The following HDAC4 variants were observed in gnomAD, a reference collection of about 807,000 sequenced individuals.
HDAC4 encodes the protein histone deacetylase A.
In HDAC4, 16 loss-of-function variants were observed where a neutral mutation model predicts 135.1. The ratio of observed to expected loss-of-function variants is 0.12; its 90% CI spans 0.08 to 0.18. The LOEUF (loss-of-function observed/expected upper bound fraction) is 0.18, where lower values mean the gene tolerates loss of function less well. HDAC4 is among the 10% of genes least tolerant of loss of function. HDAC4 has a pLI of 1.00. For missense variants in HDAC4, 1,143 were observed against 1,511.8 expected, an observed-to-expected ratio of 0.76 and a Z score of 4.05; for synonymous variants, 685 against 653.4, an observed-to-expected ratio of 1.05 and a Z score of -0.74.
chr2:239,082,718 G>A (rs932908550), intron 20 of HDAC4, among the ~76,000 whole-genome samples: 6 of 152,254 alleles, frequency 3.9e-5, no homozygotes, highest in African/African-American at 1.4e-4. Flanking sequence ...AGTCCCAGGT[G>A]TCCGTGAGTG....
At chr2:239,151,352 C>T (rs1236745113) in intron 7 of HDAC4, among the ~76,000 whole-genome samples, 3 of 152,180 alleles carry the variant, frequency 2.0e-5, no homozygotes, top group East Asian at 1.9e-4. Flanking sequence ...GATATGGTGT[C>T]GTGGGCGCCA....
intron 2 of HDAC4, among the ~76,000 whole-genome samples, chr2:239,256,026 G>C (rs774519212): frequency 6.6e-6 from 1 of 152,212 alleles, no homozygotes; most frequent in Non-Finnish European, 1.5e-5. Context: ...AAAGGTTCTC[G>C]ATTAATGCAA....
At chr2:239,255,588 C>G (rs1372666163) in intron 2 of HDAC4, among the ~76,000 whole-genome samples, 1 of 152,214 alleles carries the variant, frequency 6.6e-6, no homozygotes, top group Non-Finnish European at 1.5e-5. Context: ...ATTGTACGCA[C>G]AGGCACCAAA....
At chr2:239,114,671 C>T (rs1488050671) in intron 13 of HDAC4, among the ~76,000 whole-genome samples, 1 of 152,200 alleles carries the variant, frequency 6.6e-6, no homozygotes, top group Non-Finnish European at 1.5e-5. Context: ...TGATCAGGCC[C>T]TGCCTGCCTT....
intron 2 of HDAC4, among the ~76,000 whole-genome samples, chr2:239,259,964 G>A (rs1407531675): frequency 6.6e-6 from 1 of 152,182 alleles, no homozygotes; most frequent in African/African-American, 2.4e-5. Flanking sequence ...AGGATCTAAG[G>A]GTGAAGCTCC....
At chr2:239,142,568 C>T (rs891452877) in intron 8 of HDAC4, among the ~76,000 whole-genome samples, 14 of 152,266 alleles carry the variant, frequency 9.2e-5, no homozygotes, top group Admixed American at 2.6e-4. Context: ...CTAGGTGCCT[C>T]GGCACGGGCT....
intron 7 of HDAC4, among the ~76,000 whole-genome samples, chr2:239,155,297 A>G (rs1052017163): frequency 2.6e-5 from 4 of 151,214 alleles, no homozygotes; most frequent in Non-Finnish European, 5.9e-5. Flanking sequence ...GGCCAGACTG[A>G]TATGACCCAG....
chr2:239,063,204 T>G (rs2033016029), intron 24 of HDAC4, among the ~76,000 whole-genome samples: 1 of 151,764 alleles, frequency 6.6e-6, no homozygotes, highest in Admixed American at 6.5e-5. Flanking sequence ...TGCAGTCTTT[T>G]TTTGTTTTTT....
intron 2 of HDAC4, among the ~76,000 whole-genome samples, chr2:239,318,757 T>C (rs2053204809): frequency 1.3e-5 from 2 of 151,584 alleles, no homozygotes; most frequent in South Asian, 4.2e-4. Context: ...TTTCTGTAAG[T>C]TTGAAATTAC....
intron 3 of HDAC4, among the ~76,000 whole-genome samples, chr2:239,215,614 C>T (rs777598912): frequency 2.0e-5 from 3 of 152,148 alleles, no homozygotes; most frequent in Non-Finnish European, 4.4e-5. Context: ...ACATGAATGG[C>T]GGCAACACTA....
intron 21 of HDAC4, 92 bp downstream of exon 21, chr2:239,082,010 G>A: frequency 3.5e-6 from 5 of 1,413,652 alleles, no homozygotes; most frequent in Non-Finnish European, 5.0e-6. Flanking sequence ...ACTCACTGCT[G>A]CCGGGCAGCT....
chr2:239,187,870 G>A (rs2044659371), intron 4 of HDAC4, among the ~76,000 whole-genome samples: 1 of 152,202 alleles, frequency 6.6e-6, no homozygotes, highest in Non-Finnish European at 1.5e-5. Flanking sequence ...CGGCTGCTAG[G>A]TCGCTCTGAA....
intron 2 of HDAC4, among the ~76,000 whole-genome samples, chr2:239,263,869 A>C (rs1171784719): frequency 6.6e-6 from 1 of 152,118 alleles, no homozygotes; most frequent in East Asian, 1.9e-4. Context: ...CTGGCTGCCC[A>C]GTGACGCCAC....
chr2:239,094,831 G>T, intron 17 of HDAC4, 179 bp downstream of exon 17: 1 of 1,499,746 alleles, frequency 6.7e-7, no homozygotes. Flanking sequence ...AGGTGCCCGA[G>T]TCGGCGATCA....
intron 18 of HDAC4, among the ~76,000 whole-genome samples, chr2:239,088,728 G>A (rs1285988487): frequency 6.6e-6 from 1 of 152,144 alleles, no homozygotes; most frequent in African/African-American, 2.4e-5. Flanking sequence ...TTAACATCCC[G>A]AGTAAAGAGA....
intron 1 of HDAC4, among the ~76,000 whole-genome samples, chr2:239,394,886 C>A (rs980439134): frequency 6.6e-6 from 1 of 152,230 alleles, no homozygotes; most frequent in Non-Finnish European, 1.5e-5. Flanking sequence ...GCCCTCAGGG[C>A]CCCTCAATCC....
At chr2:239,392,652 C>T (rs569238418) in intron 1 of HDAC4, among the ~76,000 whole-genome samples, 87 of 152,324 alleles carry the variant, frequency 5.7e-4, no homozygotes, top group Middle Eastern at 3.4e-3. Flanking sequence ...GGGTCAGCCT[C>T]CTTAGAACAC....
chr2:239,278,801 T>C (rs771323648), intron 2 of HDAC4, among the ~76,000 whole-genome samples: 3 of 152,202 alleles, frequency 2.0e-5, no homozygotes, highest in Non-Finnish European at 4.4e-5. Flanking sequence ...TGCCCATCAG[T>C]GTGGCTCTCT....
intron 6 of HDAC4, among the ~76,000 whole-genome samples, chr2:239,161,414 G>A (rs1213793195): frequency 1.6e-4 from 25 of 152,152 alleles, no homozygotes; most frequent in Non-Finnish European, 1.5e-5. Context: ...CTTCCAGTTT[G>A]ATCAGTTTTG....
Sources: gnomAD v4.1 joint callset for allele counts (sites outside exome capture counted in the v4.1 genomes callset) on GRCh38, gnomAD v4.1.1 for gene constraint, MANE v1.5 for transcripts, NCBI Gene and HGNC (gene_info 2026-07-23, HGNC 2026-07-21) for gene names.